The following PRKG1 variants were observed in gnomAD, a reference collection of about 807,000 sequenced individuals.
PRKG1 encodes the protein cGMP-dependent protein kinase 1.
In PRKG1, 35 loss-of-function variants were observed where a neutral mutation model predicts 88.1. The ratio of observed to expected loss-of-function variants is 0.40; its 90% CI spans 0.30 to 0.53. PRKG1 has a LOEUF of 0.53. PRKG1 is among the 20% of genes least tolerant of loss of function. The pLI is 0.59. For missense variants in PRKG1, 540 were observed against 839.8 expected, an observed-to-expected ratio of 0.64 and a Z score of 4.41; for synonymous variants, 303 against 292.5, an observed-to-expected ratio of 1.04 and a Z score of -0.37.
intron 10 of PRKG1, chr10:52,252,513 G>T (rs566064659): frequency 6.6e-6 from 1 of 152,192 alleles, no homozygotes; most frequent in South Asian, 2.1e-4. Flanking sequence ...CACCAGTACA[G>T]TATGTGAGGA....
At chr10:51,750,187 C>T (rs1255368878) in intron 3 of PRKG1, among the ~76,000 whole-genome samples, 4 of 152,038 alleles carry the variant, frequency 2.6e-5, no homozygotes, top group Non-Finnish European at 2.9e-5. Flanking sequence ...CCACCCACCT[C>T]GGACCCCCAA....
chr10:51,894,143 T>C (rs1035484438), intron 4 of PRKG1, among the ~76,000 whole-genome samples: 1 of 152,104 alleles, frequency 6.6e-6, no homozygotes, highest in Non-Finnish European at 1.5e-5. Context: ...CTTCAGAAAA[T>C]AAGTTGGAAT....
intron 5 of PRKG1, among the ~76,000 whole-genome samples, chr10:52,036,647 G>A (rs1371173291): frequency 1.3e-5 from 2 of 151,980 alleles, no homozygotes; most frequent in East Asian, 1.9e-4. Flanking sequence ...ACGCAAAGGA[G>A]GCTTTGGATT....
chr10:51,062,394 G>T (rs1211717505), intron 1 of PRKG1, among the ~76,000 whole-genome samples: 1 of 152,104 alleles, frequency 6.6e-6, no homozygotes, highest in Non-Finnish European at 1.5e-5. Flanking sequence ...CTGAATGTTG[G>T]GCTGATATCT....
At chr10:51,395,229 C>T (rs969638669) in intron 2 of PRKG1, among the ~76,000 whole-genome samples, 2 of 152,236 alleles carry the variant, frequency 1.3e-5, no homozygotes, top group African/African-American at 4.8e-5. Flanking sequence ...CAAGTCTCTG[C>T]ATAACCTTCC....
Position 51,455,325 on chromosome 10 carries a change from G to T in PRKG1, c.479-12398G>T, listed in dbSNP as rs528172599. ...TGTGATGGGAGGAGCTACCTCAAAGGTCTCTGACATGCCCTGTAGATATTT... is the reference window on the plus strand; with the variant it reads ...TGTGATGGGAGGAGCTACCTCAAAGTTCTCTGACATGCCCTGTAGATATTT... On this transcript the variant is annotated intron_variant, in intron 2 of 17. Coordinates refer to ENST00000373980, the MANE Select transcript of PRKG1 (RefSeq NM_006258.4). 1.4e-4 allele frequency among the ~76,000 whole-genome samples: 21 copies of T among 152,358 alleles called. No homozygotes were observed. In the East Asian group the frequency reaches 3.7e-3, roughly 27 times the overall value.
intron 7 of PRKG1, among the ~76,000 whole-genome samples, chr10:52,120,112 T>C (rs1217761402): frequency 2.0e-5 from 3 of 152,034 alleles, no homozygotes; most frequent in Non-Finnish European, 4.4e-5. Flanking sequence ...CTGAACTTGC[T>C]TTTATAACAA....
chr10:51,646,976 ATAAAT>A (rs939187140), intron 3 of PRKG1, among the ~76,000 whole-genome samples: 2 of 151,992 alleles, frequency 1.3e-5, no homozygotes, highest in African/African-American at 2.4e-5. Flanking sequence ...AGAAAGAAAA[ATAAAT>A]TAAAAACTTT....
At chr10:51,556,313 C>G (rs933263590) in intron 3 of PRKG1, among the ~76,000 whole-genome samples, 3 of 151,798 alleles carry the variant, frequency 2.0e-5, no homozygotes, top group Admixed American at 6.6e-5. Context: ...ATTGTATATA[C>G]TATATGATAT....
At chr10:51,299,250 GGCTAGAGT>G (rs11279941) in intron 2 of PRKG1, among the ~76,000 whole-genome samples, 10,684 of 152,074 alleles carry the variant, frequency 0.07, 1,223 homozygotes, top group African/African-American at 0.24. Context: ...GTGTTACCCA[GGCTAGAGT>G]GCAGTGGTAC....
intron 5 of PRKG1, among the ~76,000 whole-genome samples, chr10:52,007,772 G>A (rs1298584680): frequency 1.3e-5 from 2 of 152,030 alleles, no homozygotes; most frequent in Non-Finnish European, 2.9e-5. Context: ...TTGCCCAAAT[G>A]GACCTAATAG....
chr10:51,184,427 A>T (rs1237188329), intron 2 of PRKG1, among the ~76,000 whole-genome samples: 1 of 152,122 alleles, frequency 6.6e-6, no homozygotes, highest in Non-Finnish European at 1.5e-5. Context: ...ATATTTTGTA[A>T]ATTTATACAT....
chr10:52,126,598 A>G (rs1377793161), intron 7 of PRKG1, among the ~76,000 whole-genome samples: 2 of 152,134 alleles, frequency 1.3e-5, no homozygotes, highest in Admixed American at 6.6e-5. Context: ...TTCCTGCCTC[A>G]GCCTTTCATG....
chr10:52,060,141 A>G (rs935502172), intron 6 of PRKG1, among the ~76,000 whole-genome samples: 1 of 152,028 alleles, frequency 6.6e-6, no homozygotes. Flanking sequence ...ATCCATGATA[A>G]TATGGAAACT....
At chr10:51,007,772 A>C (rs1287899735) in intron 1 of PRKG1, among the ~76,000 whole-genome samples, 2 of 152,240 alleles carry the variant, frequency 1.3e-5, no homozygotes, top group African/African-American at 4.8e-5. Flanking sequence ...AGACAAAGTC[A>C]AATTTAAAAT....
chr10:51,030,765 G>A (rs1250886911), intron 1 of PRKG1, among the ~76,000 whole-genome samples: 2 of 152,080 alleles, frequency 1.3e-5, no homozygotes, highest in Non-Finnish European at 2.9e-5. Flanking sequence ...CTCACCATGT[G>A]ATACATCGGC....
At chr10:51,235,126 A>G (rs1838950568) in intron 2 of PRKG1, among the ~76,000 whole-genome samples, 1 of 152,180 alleles carries the variant, frequency 6.6e-6, no homozygotes, top group Admixed American at 6.6e-5. Flanking sequence ...GCAGGAAGCC[A>G]GAGTTACCTT....
At chr10:51,618,433 C>G (rs141771682) in intron 3 of PRKG1, among the ~76,000 whole-genome samples, 246 of 152,276 alleles carry the variant, frequency 1.6e-3, no homozygotes, top group African/African-American at 5.6e-3. Flanking sequence ...CAGAGCCAAG[C>G]CTTCAAGAAA....
At chr10:52,045,089 A>G (rs901989511) in intron 5 of PRKG1, among the ~76,000 whole-genome samples, 5 of 152,130 alleles carry the variant, frequency 3.3e-5, no homozygotes, top group African/African-American at 4.8e-5. Flanking sequence ...TTCTTGCCCT[A>G]GGTACTTTCA....
Sources: allele counts gnomAD v4.1 joint callset (sites outside exome capture counted in the v4.1 genomes callset), GRCh38; gene constraint gnomAD v4.1.1; transcripts MANE v1.5; gene names NCBI Gene and HGNC (gene_info 2026-07-23, HGNC 2026-07-21).